PCDHGA12: variants seen among roughly 807,000 people sequenced by gnomAD.
The protein encoded by PCDHGA12 is protocadherin gamma-A12.
A neutral mutation model predicts 61.1 loss-of-function variants in PCDHGA12; 43 were observed. The ratio of observed to expected loss-of-function variants is 0.70; its 90% CI spans 0.55 to 0.91. The LOEUF (loss-of-function observed/expected upper bound fraction) is 0.91. Ranked by LOEUF, PCDHGA12 falls within the 40% of genes least tolerant of loss-of-function variation. PCDHGA12 has a pLI of 0.00. For synonymous variants in PCDHGA12, 520 were observed against 542.9 expected (o/e 0.96, Z 0.59); for missense variants, 1,236 against 1,227.7 (o/e 1.01, Z -0.10).
rs532490777 is a variant in PCDHGA12, at chr5:141,487,782, T to C, written c.2425-7025T>C. 7.2e-6 allele frequency: 11 copies of C among 1,525,744 alleles called. No homozygotes were observed. The South Asian group carries it at 1.2e-4, about 17-fold the overall frequency. The allele number at this position is 1,525,744 out of a possible 1,614,324, so 94.5% of individuals were successfully genotyped here. ...GACGCTGTGCTTTGTAACTGTTTCGTGAATTAACCAGAGTTGTCACAGTTT... is the reference window on the plus strand; with the variant it reads ...GACGCTGTGCTTTGTAACTGTTTCGCGAATTAACCAGAGTTGTCACAGTTT... On this transcript the variant is annotated intron_variant, in intron 1 of 3. Coordinates refer to ENST00000252085, the MANE Select transcript of PCDHGA12 (RefSeq NM_003735.3). This position sits in a 1 kb window ranked among gnomAD's most constrained non-coding sequence, Gnocchi z 5.0.
At chr5:141,506,829 T>C (rs1449718553) in intron 3 of PCDHGA12, among the ~76,000 whole-genome samples, 1 of 152,182 alleles carries the variant, frequency 6.6e-6, no homozygotes, top group African/African-American at 2.4e-5. Context: ...CATGAACTGA[T>C]AGCCCTGCCC....
chr5:141,484,647 G>C (rs556711906), intron 1 of PCDHGA12, among the ~76,000 whole-genome samples: 1 of 151,948 alleles, frequency 6.6e-6, no homozygotes, highest in African/African-American at 2.4e-5. Context: ...CTCTCCAATG[G>C]CTACTCTCCC....
intron 2 of PCDHGA12, among the ~76,000 whole-genome samples, chr5:141,500,881 T>G (rs940387787): frequency 1.0e-5 from 1 of 99,136 alleles, no homozygotes; most frequent in Non-Finnish European, 1.9e-5. Context: ...TTTACAATTT[T>G]TTTTTTTTGA....
In PCDHGA12 at chr5:141,487,258, G is replaced by T. The variant is rs368598017; in HGVS notation, c.2425-7549G>T. On this transcript the variant is annotated intron_variant, in intron 1 of 3. Transcript: ENST00000252085. The surrounding 1 kb of genome is among the most constrained non-coding windows in gnomAD (Gnocchi z 5.0). ...CTCGTCTAACCCTCTACTTGGCTGT[G>T]TCCCTAGTGGCAATTTGCTTTGTCT... 1.5e-4 allele frequency: 240 copies of T among 1,614,026 alleles called. 1 individual carries two copies. The highest frequency in any genetic ancestry group is 3.3e-5 in the Admixed American group (2 of 60,004).
Position 141,491,968 on chromosome 5 carries a change from G to GC in PCDHGA12, c.2425-2837dup. On this transcript the variant is annotated intron_variant, in intron 1 of 3. Coordinates refer to ENST00000252085, the MANE Select transcript of PCDHGA12 (RefSeq NM_003735.3). The surrounding 1 kb of genome is among the most constrained non-coding windows in gnomAD (Gnocchi z 6.9). ...ACCCCTACACTCAAAAAAGGCCGGG[G>GC]CCTCCTTCGAGCTTCCGGTGAATTT... 1.1e-6 allele frequency: 1 copy of GC among 923,644 alleles called. No homozygotes were observed. Among genetic ancestry groups the GC allele is most frequent in the Admixed American group, 3.6e-5 (1 of 27,548 alleles). 57.2% of individuals were successfully genotyped at this position (923,644 alleles called of 1,614,324 possible).
intron 1 of PCDHGA12, among the ~76,000 whole-genome samples, chr5:141,456,105 G>T (rs2098843517): frequency 6.6e-6 from 1 of 151,978 alleles, no homozygotes; most frequent in Non-Finnish European, 1.5e-5. Context: ...CACCGTGTTA[G>T]CCAGGATGGT....
At chr5:141,478,766 T>C in intron 1 of PCDHGA12, 2 of 1,505,456 alleles carry the variant, frequency 1.3e-6, no homozygotes, top group Non-Finnish European at 1.8e-6. Flanking sequence ...GATACTTGAC[T>C]CATCTGTGGA....
chr5:141,436,118 T>C (rs188307595), intron 1 of PCDHGA12, among the ~76,000 whole-genome samples: 5 of 152,310 alleles, frequency 3.3e-5, no homozygotes, highest in Admixed American at 2.0e-4. Flanking sequence ...ATGAAACCTC[T>C]CTCCTCCATC....
intron 1 of PCDHGA12, among the ~76,000 whole-genome samples, chr5:141,437,450 G>A (rs2097885331): frequency 6.6e-6 from 1 of 152,148 alleles, no homozygotes; most frequent in Non-Finnish European, 1.5e-5. Context: ...GAATGTTGAG[G>A]AGACTATACT....
intron 1 of PCDHGA12, among the ~76,000 whole-genome samples, chr5:141,433,837 CAA>C (rs56191208): frequency 1.4e-4 from 16 of 111,664 alleles, no homozygotes; most frequent in Non-Finnish European, 1.2e-4. Context: ...AACTCTATCT[CAA>C]AAAAAAAAAA....
chr5:141,500,645 A>C (rs2099801792), intron 2 of PCDHGA12, among the ~76,000 whole-genome samples: 1 of 152,228 alleles, frequency 6.6e-6, no homozygotes, highest in African/African-American at 2.4e-5. Flanking sequence ...GTTTTTTAAA[A>C]ATAGCAACTG....
In PCDHGA12 at chr5:141,490,794, C is replaced by G. The variant is rs763933771; in HGVS notation, c.2425-4013C>G. The G allele has an allele frequency of 5.0e-6, 8 of 1,613,976 alleles. No individual in the cohort carries two copies. In the South Asian group the frequency reaches 7.7e-5, roughly 16 times the overall value. ...ACCCAGAGGATGGACGGATCTTTGCCCAGCGTACCTTTGACTATGAATTGC... is the reference window on the plus strand; with the variant it reads ...ACCCAGAGGATGGACGGATCTTTGCGCAGCGTACCTTTGACTATGAATTGC... On this transcript the variant is annotated intron_variant, in intron 1 of 3. Transcript: ENST00000252085. The surrounding 1 kb of genome is among the most constrained non-coding windows in gnomAD (Gnocchi z 5.4).
Position 141,485,784 on chromosome 5 carries a change from A to G in PCDHGA12, c.2425-9023A>G, listed in dbSNP as rs760859851. The G allele has an allele frequency of 1.9e-6, 3 of 1,614,096 alleles. No individual in the cohort carries two copies. The African/African-American group carries it at 4.0e-5, about 22-fold the overall frequency. On this transcript the variant is annotated intron_variant, in intron 1 of 3. Transcript: ENST00000252085. This position sits in a 1 kb window ranked among gnomAD's most constrained non-coding sequence, Gnocchi z 5.7. Reference sequence around the variant, plus strand: ...CTGGAGAAGCCTTTGGATCGAGAGAAGCAATCGGACTACCGCCTGGTGCTG... The same window carrying G: ...CTGGAGAAGCCTTTGGATCGAGAGAGGCAATCGGACTACCGCCTGGTGCTG...
At chr5:141,479,056 A>G (rs952560687) in intron 1 of PCDHGA12, among the ~76,000 whole-genome samples, 1 of 152,098 alleles carries the variant, frequency 6.6e-6, no homozygotes, top group Admixed American at 6.5e-5. Context: ...TTCTCAGATA[A>G]TTTTTTATGA....
At chr5:141,483,840 T>C (rs996866862) in intron 1 of PCDHGA12, among the ~76,000 whole-genome samples, 2 of 152,172 alleles carry the variant, frequency 1.3e-5, no homozygotes, top group South Asian at 2.1e-4. Context: ...AAGGACTTGG[T>C]TGAATTAAGA....
rs765756193 is a variant in PCDHGA12, at chr5:141,511,105, C to T, written c.2731C>T (p.Arg911Trp). The T allele has an allele frequency of 2.8e-5, 46 of 1,614,196 alleles. No individual in the cohort carries two copies. In the East Asian group the frequency reaches 3.1e-4, roughly 11 times the overall value. Residue 911 changes from arginine to tryptophan, a missense_variant, in exon 4 of 4, where the codon CGG becomes TGG. Transcript: ENST00000252085. ...CACACTGACCAACGCAGCTGGCAAG[C>T]GGGATGGCAAGGCCCCAGCAGGTGG... ...NATLTNAAGK[R>W]DGKAPAGGNG...
At chr5:141,451,077 C>T (rs1422196268) in intron 1 of PCDHGA12, among the ~76,000 whole-genome samples, 1 of 152,098 alleles carries the variant, frequency 6.6e-6, no homozygotes, top group Admixed American at 6.6e-5. Context: ...ATCCACCCAC[C>T]TTGACCTCCC....
At chr5:141,462,800 A>C (rs1039129881) in intron 1 of PCDHGA12, among the ~76,000 whole-genome samples, 2 of 152,128 alleles carry the variant, frequency 1.3e-5, no homozygotes, top group Non-Finnish European at 2.9e-5. Flanking sequence ...TTGCATGTCT[A>C]ATAATGTTTT....
Position 141,485,096 on chromosome 5 carries a change from C to T in PCDHGA12, c.2425-9711C>T, listed in dbSNP as rs1166994104. On this transcript the variant is annotated intron_variant, in intron 1 of 3. Coordinates refer to ENST00000252085, the MANE Select transcript of PCDHGA12 (RefSeq NM_003735.3). This position sits in a 1 kb window ranked among gnomAD's most constrained non-coding sequence, Gnocchi z 5.7. The stretch of plus-strand genomic sequence containing the variant: ...CGCGGGGAAAGGGAGATAGGTGTCT[C>T]CAGCTGCTGTGGCTGTTTGGGGCGG... The T allele has an allele frequency of 1.8e-6, 2 of 1,125,566 alleles. No homozygotes were observed. The highest frequency in any genetic ancestry group is 3.1e-5 in the African/African-American group (2 of 64,908). 69.7% of individuals were successfully genotyped at this position (1,125,566 alleles called of 1,614,324 possible).
Sources: gnomAD v4.1 joint callset for allele counts (sites outside exome capture counted in the v4.1 genomes callset) on GRCh38, gnomAD v4.1.1 for gene constraint, Gnocchi (gnomAD v3.1) non-coding constraint, MANE v1.5 for transcripts, NCBI Gene and HGNC (gene_info 2026-07-23, HGNC 2026-07-21) for gene names.